The following RRP1B variants were observed in gnomAD, a reference collection of about 807,000 sequenced individuals.
The protein encoded by RRP1B is ribosomal RNA processing 1B.
RRP1B carries 56 observed loss-of-function variants against 80.2 expected under a neutral mutation model. The ratio of observed to expected loss-of-function variants is 0.70; its 90% CI spans 0.56 to 0.87. RRP1B has a LOEUF of 0.87. Ranked by LOEUF, RRP1B falls within the 40% of genes least tolerant of loss-of-function variation. RRP1B has a pLI of 0.00. For missense variants in RRP1B, 807 were observed against 939.8 expected (o/e 0.86, Z 1.85); for synonymous variants, 351 against 357.6 (o/e 0.98, Z 0.21).
At chr21:43,661,932 G>A (rs1024298463) in intron 1 of RRP1B, among the ~76,000 whole-genome samples, 2 of 152,274 alleles carry the variant, frequency 1.3e-5, no homozygotes, top group South Asian at 4.2e-4. Flanking sequence ...CCTTCAAAAA[G>A]CCTCGCCTAG....
At chr21:43,660,925 T>C (rs1234738778) in intron 1 of RRP1B, among the ~76,000 whole-genome samples, 1 of 152,212 alleles carries the variant, frequency 6.6e-6, no homozygotes, top group African/African-American at 2.4e-5. Flanking sequence ...AGTGAGCCCA[T>C]ACAATATGAA....
chr21:43,685,325 A>G (rs2083058861), intron 10 of RRP1B, among the ~76,000 whole-genome samples: 2 of 152,002 alleles, frequency 1.3e-5, no homozygotes. Flanking sequence ...TCCCCCATGC[A>G]CCTCCCCACA....
rs932213491 is a variant in RRP1B, at chr21:43,695,536, G to A, written c.*2153G>A. ...TATGGGTAAGTCAACTAGGTTTACAGTCCCTTATTTTTAATGCCTAAGTTT... is the reference window on the plus strand; with the variant it reads ...TATGGGTAAGTCAACTAGGTTTACAATCCCTTATTTTTAATGCCTAAGTTT... On this transcript the variant is annotated 3_prime_UTR_variant, in exon 16 of 16. Transcript: ENST00000340648. 1 of 152,164 alleles carries A rather than the reference G, an allele frequency of 6.6e-6. No homozygotes were observed. Among genetic ancestry groups the A allele is most frequent in the East Asian group, 1.9e-4 (1 of 5,198 alleles). 9.4% of individuals were successfully genotyped at this position (152,164 alleles called of 1,614,324 possible).
In RRP1B at chr21:43,688,045, G is replaced by A; in HGVS notation, c.1671G>A (p.Gly557=). Residue 557 remains glycine, a synonymous_variant, in exon 13 of 16, where the codon GGG becomes GGA. Coordinates refer to ENST00000340648, the MANE Select transcript of RRP1B (RefSeq NM_015056.3). ...GCCCTCCCACAGGCCCCGCAGAGGG[G>A]GCGAACAGCCACACCACGCTGCCCC... ...QEGPPTGPAE[G]ANSHTTLPQR... 1.2e-6 allele frequency: 2 copies of A among 1,612,056 alleles called. No individual in the cohort carries two copies. Among genetic ancestry groups the A allele is most frequent in the Non-Finnish European group, 1.7e-6 (2 of 1,179,418 alleles).
chr21:43,668,741 C>G (rs1230147867), intron 1 of RRP1B, among the ~76,000 whole-genome samples: 1 of 152,154 alleles, frequency 6.6e-6, no homozygotes, highest in African/African-American at 2.4e-5. Context: ...TTGCATTCAT[C>G]TAGTTTATAG....
intron 9 of RRP1B, among the ~76,000 whole-genome samples, chr21:43,684,141 G>A (rs1436653395): frequency 1.4e-5 from 2 of 147,678 alleles, no homozygotes; most frequent in South Asian, 2.2e-4. Context: ...GCTCGATCTC[G>A]GCTCACTGCA....
Position 43,693,915 on chromosome 21 carries a change from AG to A in RRP1B, c.*533del, listed in dbSNP as rs1440926734. The stretch of plus-strand genomic sequence containing the variant: ...TACCGATGGGGAAGATTCTTGTCAC[AG>A]AATCAGCAATACCATAGTTTTTCTA... On this transcript the variant is annotated 3_prime_UTR_variant, in exon 16 of 16. Transcript: ENST00000340648. The surrounding 1 kb of genome is among the most constrained non-coding windows in gnomAD (Gnocchi z 4.1). 4 of 152,586 alleles carry A rather than the reference AG, an allele frequency of 2.6e-5. No homozygotes were observed. Among genetic ancestry groups the A allele is most frequent in the African/African-American group, 9.6e-5 (4 of 41,454 alleles). 9.5% of individuals were successfully genotyped at this position (152,586 alleles called of 1,614,324 possible).
At chr21:43,682,356 A>G (rs1004421282) in intron 8 of RRP1B, among the ~76,000 whole-genome samples, 10 of 152,174 alleles carry the variant, frequency 6.6e-5, no homozygotes, top group Admixed American at 1.3e-4. Flanking sequence ...ATGTCGCACC[A>G]CTAATAAGCT....
At chr21:43,673,716 A>G (rs1453099584) in intron 3 of RRP1B, among the ~76,000 whole-genome samples, 154 bp from the exon 4 acceptor site, 1 of 152,128 alleles carries the variant, frequency 6.6e-6, no homozygotes, top group Non-Finnish European at 1.5e-5. Flanking sequence ...ATGATTGAGT[A>G]TATTTAATTA....
At chr21:43,661,839 A>T (rs2082958940) in intron 1 of RRP1B, among the ~76,000 whole-genome samples, 1 of 151,906 alleles carries the variant, frequency 6.6e-6, no homozygotes, top group African/African-American at 2.4e-5. Context: ...ACAATTTCTC[A>T]CCTCTCTGCC....
At chr21:43,668,584 T>C (rs1459265045) in intron 1 of RRP1B, among the ~76,000 whole-genome samples, 1 of 152,078 alleles carries the variant, frequency 6.6e-6, no homozygotes, top group Non-Finnish European at 1.5e-5. Flanking sequence ...TTAGTGAGGA[T>C]GGTCTTGATC....
chr21:43,691,452 C>T lies in RRP1B; in HGVS notation c.2033C>T (p.Pro678Leu). The T allele has an allele frequency of 6.2e-7, 1 of 1,614,008 alleles. No individual in the cohort carries two copies. Among genetic ancestry groups the T allele is most frequent in the Non-Finnish European group, 8.5e-7 (1 of 1,179,924 alleles). Residue 678 changes from proline (P) to leucine (L), a missense_variant, in exon 15 of 16, where the codon CCA becomes CTA. Pro to Leu is a moderately conservative substitution (Grantham distance 98). Transcript: ENST00000340648. This position sits in a 1 kb window ranked among gnomAD's most constrained non-coding sequence, Gnocchi z 4.2. The stretch of plus-strand genomic sequence containing the variant: ...TCTCTTCTGCAGCTAAACAAGACAC[C>T]ATCCAGCTCCAAGAAAGTCACCTTT... Reference protein sequence around the residue: ...PGPAVQLNKTPSSSKKVTFGL... With the variant: ...PGPAVQLNKTLSSSKKVTFGL...
In RRP1B at chr21:43,659,691, GA is replaced by G; in HGVS notation, c.28del (p.Ile10SerfsTer19). 6.6e-7 allele frequency: 1 copy of G among 1,524,900 alleles called. No homozygotes were observed. The highest frequency in any genetic ancestry group is 8.8e-7 in the Non-Finnish European group (1 of 1,135,532). The allele number at this position is 1,524,900 out of a possible 1,614,324, so 94.5% of individuals were successfully genotyped here. A position where few individuals can be genotyped will look rare whatever the true frequency, so the allele number is the denominator to read the frequency against. On this transcript the variant is annotated frameshift_variant, in exon 1 of 16. Transcript: ENST00000340648. LOFTEE classifies it high-confidence loss of function. This position sits in a 1 kb window ranked among gnomAD's most constrained non-coding sequence, Gnocchi z 4.2. The part of the protein sequence containing the change: MAPAMQPAE[I>X]QFAQRLASSE... ...TGGCCCCCGCCATGCAGCCGGCCGA[GA>G]TCCAATTTGCCCAGCGGCTGGCGTC...
At chr21:43,684,200 T>C (rs1050750185) in intron 9 of RRP1B, among the ~76,000 whole-genome samples, 3 of 150,288 alleles carry the variant, frequency 2.0e-5, no homozygotes, top group Non-Finnish European at 3.0e-5. Context: ...GCCTCCCGAG[T>C]AGCTGGGACT....
intron 8 of RRP1B, among the ~76,000 whole-genome samples, chr21:43,681,797 T>C (rs1007416781): frequency 5.4e-5 from 8 of 148,842 alleles, no homozygotes; most frequent in Non-Finnish European, 1.2e-4. Flanking sequence ...ACAAAAATTT[T>C]AAAATTAGCC....
chr21:43,687,370 C>T (rs996829680), intron 12 of RRP1B, 146 bp from the exon 13 acceptor site: 65 of 873,546 alleles, frequency 7.4e-5, no homozygotes, highest in African/African-American at 6.3e-4. Context: ...GTAGTGGGCG[C>T]ACCAAGTACC....
At chr21:43,663,627 G>A (rs1358308625) in intron 1 of RRP1B, among the ~76,000 whole-genome samples, 2 of 151,298 alleles carry the variant, frequency 1.3e-5, no homozygotes, top group African/African-American at 2.4e-5. Context: ...GCACAATCTC[G>A]GCTCACTGCA....
In RRP1B at chr21:43,687,952, A is replaced by G. The variant is rs1243688827; in HGVS notation, c.1578A>G (p.Lys526=). The G allele has an allele frequency of 6.2e-6, 10 of 1,613,060 alleles. No individual in the cohort carries two copies. Among genetic ancestry groups the G allele is most frequent in the Non-Finnish European group, 8.5e-6 (10 of 1,180,040 alleles). The part of the protein sequence containing the change: ...GGAQLLKRKR[K]LGVVPVNGSG... ...CCCAACTCCTAAAAAGGAAGCGGAAACTTGGAGTTGTGCCCGTCAATGGCA... is the reference window on the plus strand; with the variant it reads ...CCCAACTCCTAAAAAGGAAGCGGAAGCTTGGAGTTGTGCCCGTCAATGGCA... Residue 526 remains lysine (K), a synonymous_variant, in exon 13 of 16, where the codon AAA becomes AAG. Coordinates refer to ENST00000340648, the MANE Select transcript of RRP1B (RefSeq NM_015056.3).
At chr21:43,686,698 G>C in intron 11 of RRP1B, 106 bp from the exon 12 acceptor site, 2 of 1,314,814 alleles carry the variant, frequency 1.5e-6, no homozygotes. Context: ...AAACGGTGAG[G>C]AACGATGATG....
Sources: gnomAD v4.1 joint callset for allele counts (sites outside exome capture counted in the v4.1 genomes callset) on GRCh38, gnomAD v4.1.1 for gene constraint, Gnocchi (gnomAD v3.1) non-coding constraint, MANE v1.5 for transcripts, NCBI Gene and HGNC (gene_info 2026-07-23, HGNC 2026-07-21) for gene names.